PET117: variants seen among roughly 807,000 people sequenced by gnomAD.
PET117 encodes PET117 cytochrome c oxidase chaperone, also known as protein PET117 homolog, mitochondrial.
A neutral mutation model predicts 9.2 loss-of-function variants in PET117; 10 were observed. The observed-to-expected ratio is 1.09, with a 90% confidence interval of 0.67 to 1.85. The LOEUF is 1.85. Ranked by LOEUF, PET117 falls within the 40% of genes most tolerant of loss-of-function variation. PET117 has a pLI of 0.00. For missense variants in PET117, 96 were observed against 98.2 expected (o/e 0.98, Z 0.09); for synonymous variants, 43 against 37.1 (o/e 1.16, Z -0.57).
chr20:18,138,251 T>C (rs530281341), intron 1 of PET117, 200 bp downstream of exon 1: 8 of 1,236,734 alleles, frequency 6.5e-6, no homozygotes, highest in Non-Finnish European at 8.1e-6. Flanking sequence ...CCGGCGGGCG[T>C]GTGCAGCCCG....
At chr20:18,138,439 T>C in intron 1 of PET117, 1 of 999,156 alleles carries the variant, frequency 1.0e-6, no homozygotes, top group Non-Finnish European at 1.2e-6. Flanking sequence ...CGCTAGAAAA[T>C]AGAAGGTGGG....
chr20:18,138,327 T>A, intron 1 of PET117: 1 of 1,141,120 alleles, frequency 8.8e-7, no homozygotes, highest in Non-Finnish European at 1.1e-6. Flanking sequence ...GGGGCCTTGC[T>A]CCGCACAGGC....
chr20:18,140,263 C>T (rs375470978), intron 1 of PET117, among the ~76,000 whole-genome samples: 6 of 151,668 alleles, frequency 4.0e-5, no homozygotes, highest in Non-Finnish European at 5.9e-5. Flanking sequence ...TAAGCACCTC[C>T]GTTTTTGTCT....
chr20:18,138,230 C>G (rs2037373892), intron 1 of PET117, 179 bp downstream of exon 1: 20 of 1,250,494 alleles, frequency 1.6e-5, no homozygotes, highest in Non-Finnish European at 1.9e-5. Flanking sequence ...GGGCTCCGGG[C>G]GCTGCAGCTC....
intron 1 of PET117, among the ~76,000 whole-genome samples, chr20:18,141,545 G>GT (rs1288072143): frequency 6.6e-6 from 1 of 152,166 alleles, no homozygotes; most frequent in African/African-American, 2.4e-5. Flanking sequence ...TGTTACTGTA[G>GT]TAACTCGCCA....
At position 18,142,540 on chromosome 20, in the gene PET117, G is replaced by A; in HGVS notation, c.*183G>A. The A allele has an allele frequency of 6.7e-7, 1 of 1,501,620 alleles. No individual in the cohort carries two copies. The allele number at this position is 1,501,620 out of a possible 1,614,324, so 93.0% of individuals were successfully genotyped here. A position where few individuals can be genotyped will look rare whatever the true frequency, so the allele number is the denominator to read the frequency against. On this transcript the variant is annotated 3_prime_UTR_variant, in exon 2 of 2. Transcript: ENST00000432901. ...GTCCCTTATATCTGAATAAAGGAGT[G>A]TGGGCAGACACTTTTTGGAAGAGTC... is the stretch of plus-strand genomic sequence containing the variant.
intron 1 of PET117, among the ~76,000 whole-genome samples, chr20:18,141,300 G>A (rs2146331256): frequency 6.6e-6 from 1 of 152,100 alleles, no homozygotes; most frequent in South Asian, 2.1e-4. Context: ...AAGTGCTGTG[G>A]TTTTTTAGTG....
At chr20:18,138,183 C>G in intron 1 of PET117, 132 bp downstream of exon 1, 6 of 1,286,184 alleles carry the variant, frequency 4.7e-6, no homozygotes, top group Non-Finnish European at 5.9e-6. Flanking sequence ...GCCCTGCACC[C>G]CACGCGTTTG....
chr20:18,138,545 T>G (rs1202584321), intron 1 of PET117: 6 of 817,616 alleles, frequency 7.3e-6, no homozygotes, highest in African/African-American at 1.9e-5. Context: ...GCTATTGATT[T>G]TATCCCATGG....
At position 18,142,709 on chromosome 20, in the gene PET117, G is replaced by A. The variant is rs762084114; in HGVS notation, c.*352G>A. On this transcript the variant is annotated 3_prime_UTR_variant, in exon 2 of 2. Coordinates refer to ENST00000432901, the MANE Select transcript of PET117 (RefSeq NM_001164811.2). ...TAGTCTGATCAGTCGGCATGATGAC[G>A]AAGCCACGAGAACATCGACCTCAGA... 5.0e-6 allele frequency: 8 copies of A among 1,614,202 alleles called. No homozygotes were observed. The highest frequency in any genetic ancestry group is 1.1e-5 in the South Asian group (1 of 91,084).
intron 1 of PET117, among the ~76,000 whole-genome samples, chr20:18,141,885 T>G (rs2037600966): frequency 6.6e-6 from 1 of 151,734 alleles, no homozygotes; most frequent in African/African-American, 2.4e-5. Flanking sequence ...GACTCTTGTC[T>G]CAAAAAATAA....
At chr20:18,141,326 A>C (rs1029291828) in intron 1 of PET117, among the ~76,000 whole-genome samples, 23 of 152,112 alleles carry the variant, frequency 1.5e-4, no homozygotes, top group African/African-American at 5.3e-4. Flanking sequence ...TAAGGTAACT[A>C]CCATTGATGA....
rs750573354 is a variant in PET117, at chr20:18,138,403, C to T, written c.96+352C>T. 3.8e-3 allele frequency: 3,859 copies of T among 1,024,828 alleles called. 10 individuals are homozygous for T. Among genetic ancestry groups the T allele is most frequent in the Non-Finnish European group, 4.2e-3 (3,638 of 856,102 alleles). 63.5% of individuals were successfully genotyped at this position (1,024,828 alleles called of 1,614,324 possible). A position where few individuals can be genotyped will look rare whatever the true frequency, so the allele number is the denominator to read the frequency against. ...CAAGTCACAGCCGGCCCGCAGGGTG[C>T]GGACCTTTCCACATCTCACTTGGGC... On this transcript the variant is annotated intron_variant, in intron 1 of 1. Transcript: ENST00000432901.
intron 1 of PET117, 96 bp downstream of exon 1, chr20:18,138,147 T>G (rs2037368221): frequency 2.2e-6 from 3 of 1,340,936 alleles, no homozygotes; most frequent in Admixed American, 8.1e-5. Flanking sequence ...CAGCTCCTCT[T>G]CGTGTCTTTC....
At chr20:18,140,597 G>A (rs905191692) in intron 1 of PET117, among the ~76,000 whole-genome samples, 4 of 151,752 alleles carry the variant, frequency 2.6e-5, no homozygotes, top group Non-Finnish European at 4.4e-5. Context: ...ATCATTTGAG[G>A]TCAGGAGTTC....
At position 18,140,502 on chromosome 20, in the gene PET117, A is replaced by G. The variant is rs114273032; in HGVS notation, c.97-1706A>G. On this transcript the variant is annotated intron_variant, in intron 1 of 1. Transcript: ENST00000432901. ...CCCACTCCCATTAATTCTACTCTAT[A>G]TAGCCACTATTAAAAACCATTTATT... Among the ~76,000 whole-genome samples the G allele has an allele frequency of 9.2e-3, 1,405 of 152,130 alleles. 22 individuals carry two copies. The highest frequency in any genetic ancestry group is 0.032 in the African/African-American group (1,339 of 41,474).
In PET117 at chr20:18,143,108, T is replaced by C. The variant is rs1178591210; in HGVS notation, c.*751T>C. 7.4e-7 allele frequency: 1 copy of C among 1,349,098 alleles called. No homozygotes were observed. The highest frequency in any genetic ancestry group is 9.5e-7 in the Non-Finnish European group (1 of 1,047,784). 83.6% of individuals were successfully genotyped at this position (1,349,098 alleles called of 1,614,324 possible). A position where few individuals can be genotyped will look rare whatever the true frequency, so the allele number is the denominator to read the frequency against. ...GTACTAATGAAACGTACTGTCAACCTCTATCACATTGTTAAATTAACACTT... is the reference window on the plus strand; with the variant it reads ...GTACTAATGAAACGTACTGTCAACCCCTATCACATTGTTAAATTAACACTT... On this transcript the variant is annotated 3_prime_UTR_variant, in exon 2 of 2. Coordinates refer to ENST00000432901, the MANE Select transcript of PET117 (RefSeq NM_001164811.2).
At chr20:18,142,109 T>A in intron 1 of PET117, 99 bp from the exon 2 acceptor site, 1 of 1,235,730 alleles carries the variant, frequency 8.1e-7, no homozygotes, top group Non-Finnish European at 1.1e-6. Flanking sequence ...CTGAAAGTTT[T>A]AAGTATATTT....
intron 1 of PET117, among the ~76,000 whole-genome samples, chr20:18,139,021 T>C (rs1229398222): frequency 6.6e-6 from 1 of 152,182 alleles, no homozygotes; most frequent in Non-Finnish European, 1.5e-5. Context: ...GAGTAAACAG[T>C]CTTTTCTTGA....
Sources: allele counts gnomAD v4.1 joint callset (sites outside exome capture counted in the v4.1 genomes callset), GRCh38; gene constraint gnomAD v4.1.1; transcripts MANE v1.5; gene names NCBI Gene and HGNC (gene_info 2026-07-23, HGNC 2026-07-21).